PDE4D: variants seen among roughly 807,000 people sequenced by gnomAD.
The protein encoded by PDE4D is phosphodiesterase 4D.
In PDE4D, 24 loss-of-function variants were observed where a neutral mutation model predicts 87.4. That is an observed-to-expected ratio of 0.27 (90% CI 0.20 to 0.39). The LOEUF (loss-of-function observed/expected upper bound fraction) is 0.39. PDE4D is among the 10% of genes least tolerant of loss of function. The pLI is 1.00. For synonymous variants in PDE4D, 384 were observed against 383.2 expected, an observed-to-expected ratio of 1.00 and a Z score of -0.02; for missense variants, 714 against 1,041.0, an observed-to-expected ratio of 0.69 and a Z score of 4.32.
intron 1 of PDE4D, among the ~76,000 whole-genome samples, chr5:59,767,899 G>C (rs78810550): frequency 0.026 from 3,987 of 152,252 alleles, 200 homozygotes; most frequent in African/African-American, 0.091. Flanking sequence ...TGTTGGGGAA[G>C]CTGGCAGGGA....
intron 5 of PDE4D, among the ~76,000 whole-genome samples, chr5:59,108,622 G>A (rs768003419): frequency 1.3e-5 from 2 of 152,112 alleles, no homozygotes; most frequent in East Asian, 1.9e-4. Context: ...GGCCAGGTGC[G>A]GTGGCTCACG....
In PDE4D at chr5:60,081,554, T is replaced by C. The variant is rs1773954980; in HGVS notation, c.43-92837A>G. 1.3e-5 allele frequency among the ~76,000 whole-genome samples: 2 copies of C among 152,178 alleles called. 1 individual carries two copies. Among genetic ancestry groups the C allele is most frequent in the Admixed American group, 1.3e-4 (2 of 15,262 alleles). On this transcript the variant is annotated intron_variant, in intron 2 of 16. Transcript: ENST00000502484. Reference sequence around the variant, plus strand: ...GTGCTATAAATTTCCCTCTTAATACTGCTTTAACTGTGTCCCAGAGATTCT... The same window carrying C: ...GTGCTATAAATTTCCCTCTTAATACCGCTTTAACTGTGTCCCAGAGATTCT...
At chr5:59,730,637 A>G (rs776066302) in intron 1 of PDE4D, among the ~76,000 whole-genome samples, 51 of 152,124 alleles carry the variant, frequency 3.4e-4, no homozygotes, top group Non-Finnish European at 6.5e-4. Context: ...AGCTATAAAT[A>G]GTCACAAAAT....
intron 2 of PDE4D, among the ~76,000 whole-genome samples, chr5:60,138,801 T>C (rs1582831766): frequency 6.6e-6 from 1 of 152,216 alleles, no homozygotes; most frequent in Middle Eastern, 3.4e-3. Context: ...TATACTGATA[T>C]ATAACTACTA....
intron 1 of PDE4D, among the ~76,000 whole-genome samples, chr5:59,334,254 T>TG (rs1432869742): frequency 0.012 from 833 of 68,200 alleles, 17 homozygotes; most frequent in African/African-American, 0.033. Context: ...GGAGTTTTTT[T>TG]TTTTTTTTTT....
intron 3 of PDE4D, among the ~76,000 whole-genome samples, chr5:59,977,106 C>T (rs906951153): frequency 1.3e-5 from 2 of 152,168 alleles, no homozygotes; most frequent in Non-Finnish European, 2.9e-5. Context: ...AGTTACAGGT[C>T]TCTCGCATTA....
At chr5:59,663,021 T>C (rs998068982) in intron 1 of PDE4D, among the ~76,000 whole-genome samples, 5 of 152,224 alleles carry the variant, frequency 3.3e-5, no homozygotes, top group African/African-American at 2.4e-5. Flanking sequence ...AGAAAGTATT[T>C]ATTGTGAGCC....
rs1191326636 is a variant in PDE4D at position 60,160,188 on chromosome 5, T to C, written c.42+25369A>G. Among the ~76,000 whole-genome samples, 19 of 152,222 alleles carry C rather than the reference T, an allele frequency of 1.2e-4. 1 individual carries two copies. The highest frequency in any genetic ancestry group is 2.9e-5 in the Non-Finnish European group (2 of 68,038). ...ATTTTCTTTTCTCTAGCTTACTTTA[T>C]TGTAAGAATACGGTATATAATACAA... On this transcript the variant is annotated intron_variant, in intron 2 of 16. Transcript: ENST00000502484.
chr5:60,167,414 G>A (rs866796151), intron 2 of PDE4D, among the ~76,000 whole-genome samples: 1 of 151,138 alleles, frequency 6.6e-6, no homozygotes, highest in Non-Finnish European at 1.5e-5. Context: ...GACTACAGGC[G>A]CCCGCCACCT....
At chr5:60,292,812 A>G (rs2149775897) in intron 1 of PDE4D, among the ~76,000 whole-genome samples, 1 of 152,342 alleles carries the variant, frequency 6.6e-6, no homozygotes, top group African/African-American at 2.4e-5. Flanking sequence ...TAATACCAGT[A>G]AAAACAAAAA....
At chr5:59,651,304 AATT>A (rs1181649841) in intron 1 of PDE4D, among the ~76,000 whole-genome samples, 50 of 137,830 alleles carry the variant, frequency 3.6e-4, no homozygotes, top group African/African-American at 1.3e-3. Context: ...TAATAATAAT[AATT>A]GCTAAATGAG....
chr5:60,421,193 C>T (rs1364284294), intron 1 of PDE4D, among the ~76,000 whole-genome samples: 1 of 151,994 alleles, frequency 6.6e-6, no homozygotes, highest in African/African-American at 2.4e-5. Context: ...GTTCTCCCAG[C>T]ATGGCGTTTG....
chr5:59,242,725 T>G (rs543260194), intron 1 of PDE4D, among the ~76,000 whole-genome samples: 12 of 152,308 alleles, frequency 7.9e-5, no homozygotes, highest in Admixed American at 4.6e-4. Flanking sequence ...GCATGGCTTA[T>G]TTCATTTAAT....
chr5:59,682,991 G>T (rs1382733124), intron 1 of PDE4D, among the ~76,000 whole-genome samples: 4 of 152,126 alleles, frequency 2.6e-5, no homozygotes, highest in Admixed American at 2.6e-4. Context: ...TAATTTCATT[G>T]GCTACACAGA....
intron 1 of PDE4D, among the ~76,000 whole-genome samples, chr5:60,507,114 C>T (rs1047781772): frequency 1.3e-5 from 2 of 152,014 alleles, no homozygotes; most frequent in African/African-American, 2.4e-5. Context: ...GAGTTTCACC[C>T]TGTCGCCCAG....
chr5:59,065,175 T>G (rs1163057433), intron 5 of PDE4D, among the ~76,000 whole-genome samples: 2 of 150,122 alleles, frequency 1.3e-5, no homozygotes, highest in East Asian at 3.9e-4. Context: ...ATCCTGTCAT[T>G]TACAACAAGT....
chr5:60,042,253 C>G (rs1390700441), intron 2 of PDE4D, among the ~76,000 whole-genome samples: 1 of 152,168 alleles, frequency 6.6e-6, no homozygotes, highest in Non-Finnish European at 1.5e-5. Context: ...CTAGATTCCT[C>G]CTCTCTGGGC....
intron 1 of PDE4D, among the ~76,000 whole-genome samples, chr5:59,617,131 TTAGA>T (rs2150094015): frequency 6.6e-6 from 1 of 151,846 alleles, no homozygotes; most frequent in East Asian, 1.9e-4. Flanking sequence ...AAGTCTTATT[TTAGA>T]TAGGTGGATT....
At chr5:59,061,309 C>T (rs1044966667) in intron 5 of PDE4D, among the ~76,000 whole-genome samples, 4 of 151,952 alleles carry the variant, frequency 2.6e-5, no homozygotes, top group African/African-American at 7.3e-5. Context: ...AGCACAAACA[C>T]CTCTGAATGT....
Sources: allele counts gnomAD v4.1 joint callset (sites outside exome capture counted in the v4.1 genomes callset), GRCh38; gene constraint gnomAD v4.1.1; transcripts MANE v1.5; gene names NCBI Gene and HGNC (gene_info 2026-07-23, HGNC 2026-07-21).